Variants in CACNA2D3 observed in about 807,000 individuals in gnomAD.
CACNA2D3 encodes voltage-dependent calcium channel subunit alpha-2/delta-3.
Under a neutral mutation model 160.6 loss-of-function variants are expected in CACNA2D3, and 60 were observed. The observed-to-expected ratio is 0.37, with a 90% confidence interval of 0.30 to 0.46. The LOEUF is 0.46. CACNA2D3 is among the 20% of genes least tolerant of loss of function. The pLI is 1.00. For synonymous variants in CACNA2D3, 558 were observed against 492.9 expected (o/e 1.13, Z -1.75); for missense variants, 1,205 against 1,365.0 (o/e 0.88, Z 1.85).
intron 27 of CACNA2D3, among the ~76,000 whole-genome samples, chr3:54,931,811 C>T (rs1701197498): frequency 6.6e-6 from 1 of 152,134 alleles, no homozygotes; most frequent in South Asian, 2.1e-4. Context: ...TGATTATTAA[C>T]CCTACAATAA....
chr3:54,723,904 A>G (rs1332756588), intron 11 of CACNA2D3, among the ~76,000 whole-genome samples: 3 of 152,318 alleles, frequency 2.0e-5, no homozygotes, highest in African/African-American at 4.8e-5. Context: ...GACAGGATCA[A>G]ATTCACACAT....
intron 4 of CACNA2D3, among the ~76,000 whole-genome samples, chr3:54,405,798 G>A (rs1404634928): frequency 6.6e-6 from 1 of 151,624 alleles, no homozygotes; most frequent in Non-Finnish European, 1.5e-5. Context: ...CACAAATCAT[G>A]TATCTGCTAA....
chr3:54,538,162 A>T (rs997389828), intron 5 of CACNA2D3, among the ~76,000 whole-genome samples: 1 of 152,110 alleles, frequency 6.6e-6, no homozygotes, highest in Non-Finnish European at 1.5e-5. Flanking sequence ...TTACTTAAGG[A>T]TCTGCCAACC....
chr3:54,159,272 AT>A (rs899745527), intron 2 of CACNA2D3, among the ~76,000 whole-genome samples: 11 of 149,570 alleles, frequency 7.4e-5, no homozygotes, highest in East Asian at 3.9e-4. Flanking sequence ...TAACGTGGTC[AT>A]TTTTTTTTTC....
intron 27 of CACNA2D3, among the ~76,000 whole-genome samples, chr3:54,962,407 A>G (rs1246425931): frequency 6.6e-6 from 1 of 152,194 alleles, no homozygotes; most frequent in Non-Finnish European, 1.5e-5. Context: ...TCTCAACATA[A>G]TTGGCATGAA....
At chr3:54,441,672 G>T (rs1020482314) in intron 4 of CACNA2D3, among the ~76,000 whole-genome samples, 3 of 152,204 alleles carry the variant, frequency 2.0e-5, no homozygotes, top group Middle Eastern at 3.4e-3. Context: ...TTTGTATAAG[G>T]TGTATAATTC....
rs1702263873 is a variant in CACNA2D3, at chr3:54,970,890, A to G, written c.2556+1046A>G. Among the ~76,000 whole-genome samples, 4 of 152,000 alleles carry G rather than the reference A, an allele frequency of 2.6e-5. No homozygotes were observed. The South Asian group carries it at 8.3e-4, about 32-fold the overall frequency. ...AACTAGACCTTATAAATAGTCACAT[A>G]TTTATATTCCTTCTGCTTATCATGA... On this transcript the variant is annotated intron_variant, in intron 29 of 37. Coordinates refer to ENST00000474759, the MANE Select transcript of CACNA2D3 (RefSeq NM_018398.3).
intron 2 of CACNA2D3, among the ~76,000 whole-genome samples, chr3:54,157,980 G>A (rs1700275294): frequency 6.6e-6 from 1 of 152,208 alleles, no homozygotes; most frequent in Non-Finnish European, 1.5e-5. Flanking sequence ...AAAAGGAGCT[G>A]CACTATTTCA....
chr3:54,823,748 C>T lies in CACNA2D3; in HGVS notation c.1398+6878C>T, dbSNP rs1010195727. On this transcript the variant is annotated intron_variant, in intron 14 of 37. Coordinates refer to ENST00000474759, the MANE Select transcript of CACNA2D3 (RefSeq NM_018398.3). ...ATTATGCTCCTGTTGTGTGTGTGTGCGTGTGTGTACAAACAGATGTACAAA... is the reference window on the plus strand; with the variant it reads ...ATTATGCTCCTGTTGTGTGTGTGTGTGTGTGTGTACAAACAGATGTACAAA... 7.9e-5 allele frequency among the ~76,000 whole-genome samples: 12 copies of T among 151,802 alleles called. No homozygotes were observed. The East Asian group carries it at 1.2e-3, about 15-fold the overall frequency.
chr3:54,865,377 G>A (rs1054732028), intron 17 of CACNA2D3, among the ~76,000 whole-genome samples: 1 of 152,242 alleles, frequency 6.6e-6, no homozygotes, highest in Non-Finnish European at 1.5e-5. Context: ...TACTTAGATT[G>A]TGACTCTCTC....
chr3:54,170,898 T>TA (rs199826152), intron 2 of CACNA2D3, among the ~76,000 whole-genome samples: 25 of 148,454 alleles, frequency 1.7e-4, no homozygotes, highest in East Asian at 1.2e-3. Flanking sequence ...TGTTTTAAAC[T>TA]AAAAAAAAAA....
At chr3:54,757,086 A>G (rs960866404) in intron 12 of CACNA2D3, among the ~76,000 whole-genome samples, 6 of 152,234 alleles carry the variant, frequency 3.9e-5, no homozygotes, top group Admixed American at 3.3e-4. Flanking sequence ...AGGGCCGACT[A>G]CCGACTAGCC....
intron 5 of CACNA2D3, among the ~76,000 whole-genome samples, chr3:54,538,446 G>A (rs1389382847): frequency 1.3e-5 from 2 of 152,144 alleles, no homozygotes; most frequent in Non-Finnish European, 1.5e-5. Context: ...AGGAAGCTGT[G>A]TTAGGCATGC....
At chr3:54,384,923 G>A (rs1394236150) in intron 3 of CACNA2D3, among the ~76,000 whole-genome samples, 1 of 152,046 alleles carries the variant, frequency 6.6e-6, no homozygotes, top group Non-Finnish European at 1.5e-5. Flanking sequence ...TTTTTGCCAC[G>A]TTGACCAGGC....
chr3:54,488,836 A>G (rs1317726600), intron 4 of CACNA2D3, among the ~76,000 whole-genome samples: 2 of 152,004 alleles, frequency 1.3e-5, no homozygotes, highest in South Asian at 2.1e-4. Flanking sequence ...GTGTGCGATG[A>G]CCCCTGGGAT....
At chr3:54,281,207 C>T (rs572999443) in intron 2 of CACNA2D3, among the ~76,000 whole-genome samples, 7 of 152,242 alleles carry the variant, frequency 4.6e-5, no homozygotes, top group East Asian at 3.9e-4. Context: ...AGGCATAAGG[C>T]GATGTTGAGC....
At chr3:54,406,663 G>A (rs1052658683) in intron 4 of CACNA2D3, among the ~76,000 whole-genome samples, 1 of 151,966 alleles carries the variant, frequency 6.6e-6, no homozygotes, top group African/African-American at 2.4e-5. Flanking sequence ...CCAGGTTCAC[G>A]GTGGGAGAGA....
chr3:54,159,189 T>C (rs1700297534), intron 2 of CACNA2D3, among the ~76,000 whole-genome samples: 3 of 152,200 alleles, frequency 2.0e-5, no homozygotes, highest in African/African-American at 7.2e-5. Flanking sequence ...TTCAAGATGA[T>C]TTAGAAAGTG....
intron 3 of CACNA2D3, among the ~76,000 whole-genome samples, chr3:54,350,986 GTTTTTTT>G (rs796392854): frequency 1.5e-5 from 1 of 65,922 alleles, no homozygotes; most frequent in Non-Finnish European, 3.0e-5. Flanking sequence ...TTTTTTGTTT[GTTTTTTT>G]TTTTTTTTTT....
Sources: gnomAD v4.1 joint callset for allele counts (sites outside exome capture counted in the v4.1 genomes callset) on GRCh38, gnomAD v4.1.1 for gene constraint, MANE v1.5 for transcripts, NCBI Gene and HGNC (gene_info 2026-07-23, HGNC 2026-07-21) for gene names.